Variants in C2CD5 observed in about 807,000 individuals in gnomAD.
C2CD5 encodes the protein C2 calcium dependent domain containing 5.
C2CD5 carries 109 observed loss-of-function variants against 130.3 expected under a neutral mutation model. The observed-to-expected ratio is 0.84, with a 90% confidence interval of 0.72 to 0.98. The LOEUF (loss-of-function observed/expected upper bound fraction) is 0.98, where lower values mean the gene tolerates loss of function less well. Among genes scored for constraint, C2CD5 ranks in the 50% least tolerant of loss-of-function variants. C2CD5 has a pLI of 0.00. For missense variants in C2CD5, 996 were observed against 1,261.8 expected, an observed-to-expected ratio of 0.79 and a Z score of 3.19; for synonymous variants, 454 against 429.2, an observed-to-expected ratio of 1.06 and a Z score of -0.71.
intron 8 of C2CD5, among the ~76,000 whole-genome samples, chr12:22,516,255 T>C (rs1363807340): frequency 6.6e-6 from 1 of 151,862 alleles, no homozygotes; most frequent in East Asian, 1.9e-4. Context: ...ATTTTGCCAT[T>C]TGAAGTCTCC....
chr12:22,531,480 T>C (rs1056677404), intron 3 of C2CD5, among the ~76,000 whole-genome samples: 2 of 152,208 alleles, frequency 1.3e-5, no homozygotes, highest in African/African-American at 4.8e-5. Context: ...AATAAATCCT[T>C]ACATCTATGT....
rs144805475 is a variant in C2CD5 at position 22,539,025 on chromosome 12, T to C, written c.91-3681A>G. 1.5e-3 allele frequency among the ~76,000 whole-genome samples: 227 copies of C among 152,278 alleles called. 2 individuals are homozygous for C. The highest frequency in any genetic ancestry group is 5.4e-3 in the African/African-American group (223 of 41,554). ...AGCACACAAATAGGTTCTGTATCTTTTCATTTATTTTTTAAGTACTAAAAC... is the reference window on the plus strand; with the variant it reads ...AGCACACAAATAGGTTCTGTATCTTCTCATTTATTTTTTAAGTACTAAAAC... On this transcript the variant is annotated intron_variant, in intron 2 of 26. Coordinates refer to ENST00000446597, the MANE Select transcript of C2CD5 (RefSeq NM_001286176.2).
chr12:22,534,719 A>G (rs951508721), intron 3 of C2CD5: 3 of 152,650 alleles, frequency 2.0e-5, no homozygotes, highest in African/African-American at 7.2e-5. Flanking sequence ...ATCTAGCATA[A>G]GCAAATTCAA....
chr12:22,483,130 T>G (rs1944964969), intron 13 of C2CD5, among the ~76,000 whole-genome samples: 1 of 152,088 alleles, frequency 6.6e-6, no homozygotes, highest in South Asian at 2.1e-4. Context: ...CATGCCTGTA[T>G]CAAAGTAGCT....
Position 22,457,097 on chromosome 12 carries a change from A to T in C2CD5, c.2751T>A (p.Pro917=). The change falls in exon 25 of 27, where the codon CCT becomes CCA. Residue 917 remains proline, a synonymous_variant. Coordinates refer to ENST00000446597, the MANE Select transcript of C2CD5 (RefSeq NM_001286176.2). ...DGNFRNRSAP[P]CANSTVGVVK... is the part of the protein sequence containing the mutation. The stretch of plus-strand genomic sequence containing the variant: ...CAACCCCAACTGTGGAATTTGCACA[A>T]GGTGGAGCAGAACGATTCCGGAAAT... 6.2e-7 allele frequency: 1 copy of T among 1,612,890 alleles called. No individual in the cohort carries two copies. The highest frequency in any genetic ancestry group is 8.5e-7 in the Non-Finnish European group (1 of 1,179,480).
rs550371225 is a variant in C2CD5 at position 22,542,913 on chromosome 12, A to C, written c.90+1148T>G. ...TTCAACACGTTACCTATTAGTTATTAAATAGGCTGTGTGGGTCAATGTCTG... is the reference window on the plus strand; with the variant it reads ...TTCAACACGTTACCTATTAGTTATTCAATAGGCTGTGTGGGTCAATGTCTG... On this transcript the variant is annotated intron_variant, in intron 2 of 26. Coordinates refer to ENST00000446597, the MANE Select transcript of C2CD5 (RefSeq NM_001286176.2). Among the ~76,000 whole-genome samples, 9 of 152,370 alleles carry C rather than the reference A, an allele frequency of 5.9e-5. No homozygotes were observed. The East Asian group carries it at 1.7e-3, about 29-fold the overall frequency.
chr12:22,468,098 C>T (rs1355173762), intron 22 of C2CD5, among the ~76,000 whole-genome samples: 1 of 144,036 alleles, frequency 6.9e-6, no homozygotes, highest in East Asian at 2.0e-4. Flanking sequence ...GCCCCTATTG[C>T]AGGATAAGGA....
At chr12:22,517,412 A>C (rs1176784443) in intron 8 of C2CD5, among the ~76,000 whole-genome samples, 1 of 152,008 alleles carries the variant, frequency 6.6e-6, no homozygotes, top group African/African-American at 2.4e-5. Context: ...GAAATCATTC[A>C]TCAAAATACA....
chr12:22,525,584 T>C (rs964205900), intron 5 of C2CD5, 26 bp downstream of exon 5: 1 of 998,094 alleles, frequency 1.0e-6, no homozygotes, highest in Non-Finnish European at 1.6e-6. Flanking sequence ...ACATTTCCTG[T>C]TGAGTAATAG....
chr12:22,467,827 C>T (rs1440167505), intron 22 of C2CD5, among the ~76,000 whole-genome samples: 1 of 152,032 alleles, frequency 6.6e-6, no homozygotes, highest in Admixed American at 6.6e-5. Flanking sequence ...ATTTGGATAC[C>T]GTATAGTAAC....
chr12:22,472,209 AAAAG>A (rs1470531553), intron 18 of C2CD5, 73 bp downstream of exon 18: 21 of 992,160 alleles, frequency 2.1e-5, no homozygotes, highest in Non-Finnish European at 3.2e-5. Flanking sequence ...GGTAAAAAAA[AAAAG>A]ACAAATATTT....
At chr12:22,530,706 C>T (rs1040704835) in intron 3 of C2CD5, among the ~76,000 whole-genome samples, 3 of 152,072 alleles carry the variant, frequency 2.0e-5, no homozygotes, top group African/African-American at 4.8e-5. Flanking sequence ...ATTCGCCTGC[C>T]TCGGCTTCCC....
rs574510735 is a variant in C2CD5 at position 22,483,265 on chromosome 12, C to G, written c.1551-522G>C. Among the ~76,000 whole-genome samples the G allele has an allele frequency of 1.3e-4, 19 of 151,722 alleles. No homozygotes were observed. In the South Asian group the frequency reaches 2.9e-3, roughly 23 times the overall value. ...AAAAATGAAATAATGACCAAAATCA[C>G]TAGAGAATATCATTTAAAATCTTAG... On this transcript the variant is annotated intron_variant, in intron 13 of 26. Coordinates refer to ENST00000446597, the MANE Select transcript of C2CD5 (RefSeq NM_001286176.2).
chr12:22,472,775 A>G lies in C2CD5; in HGVS notation c.2076T>C (p.His692=). 1 of 1,587,444 alleles carries G rather than the reference A, an allele frequency of 6.3e-7. No homozygotes were observed. The change falls in exon 17 of 27, where the codon CAT becomes CAC. Residue 692 remains histidine, a synonymous_variant. Transcript: ENST00000446597. ...IDDTDAMEDV[H]SLLTDVPPPS... Reference sequence around the variant, plus strand: ...GAGGAGGAACATCAGTAAGTAGAGAATGGACATCTTCCATGGCATCTGTGT... The same window carrying G: ...GAGGAGGAACATCAGTAAGTAGAGAGTGGACATCTTCCATGGCATCTGTGT...
At chr12:22,505,804 G>A (rs193123471) in intron 10 of C2CD5, among the ~76,000 whole-genome samples, 10 of 152,190 alleles carry the variant, frequency 6.6e-5, no homozygotes, top group South Asian at 2.1e-4. Context: ...ATTCTTACTC[G>A]TTTGCTTAAA....
At chr12:22,516,299 G>C (rs1379182761) in intron 8 of C2CD5, among the ~76,000 whole-genome samples, 1 of 151,752 alleles carries the variant, frequency 6.6e-6, no homozygotes, top group African/African-American at 2.4e-5. Context: ...GGACAATTTA[G>C]AGATATTTAG....
At chr12:22,537,431 A>G (rs903653975) in intron 2 of C2CD5, among the ~76,000 whole-genome samples, 1 of 152,136 alleles carries the variant, frequency 6.6e-6, no homozygotes, top group Non-Finnish European at 1.5e-5. Flanking sequence ...AACAAAAAGA[A>G]AAAGGCTGGA....
At chr12:22,514,321 A>ATATG (rs2136893720) in intron 8 of C2CD5, among the ~76,000 whole-genome samples, 1 of 152,312 alleles carries the variant, frequency 6.6e-6, no homozygotes, top group Non-Finnish European at 1.5e-5. Flanking sequence ...AAAGGTTAGC[A>ATATG]TATGTATAGT....
chr12:22,464,701 T>C (rs1272634578), intron 22 of C2CD5, among the ~76,000 whole-genome samples: 1 of 152,186 alleles, frequency 6.6e-6, no homozygotes, highest in African/African-American at 2.4e-5. Flanking sequence ...ATCAAGAATT[T>C]TAACTGTTTT....
Sources: gnomAD v4.1 joint callset for allele counts (sites outside exome capture counted in the v4.1 genomes callset) on GRCh38, gnomAD v4.1.1 for gene constraint, MANE v1.5 for transcripts, NCBI Gene and HGNC (gene_info 2026-07-23, HGNC 2026-07-21) for gene names.